LHX1: variants seen among roughly 807,000 people sequenced by gnomAD.
The protein encoded by LHX1 is LIM/homeobox protein Lhx1.
Under a neutral mutation model 34.1 loss-of-function variants are expected in LHX1, and 9 were observed. That is an observed-to-expected ratio of 0.26 (90% CI 0.16 to 0.46). The LOEUF (loss-of-function observed/expected upper bound fraction) is 0.46. Among genes scored for constraint, LHX1 ranks in the 20% least tolerant of loss-of-function variants. The probability of loss-of-function intolerance (pLI) is 1.00; values close to 1 mark genes in which losing one functional copy is unlikely to be tolerated. For synonymous variants in LHX1, 254 were observed against 241.5 expected, an observed-to-expected ratio of 1.05 and a Z score of -0.48; for missense variants, 446 against 559.1, an observed-to-expected ratio of 0.80 and a Z score of 2.04.
chr17:36,939,440 C>T, intron 1 of LHX1, among the ~76,000 whole-genome samples: 1 of 152,206 alleles, frequency 6.6e-6, no homozygotes, highest in Non-Finnish European at 1.5e-5. Context: ...AGTGCCGCTC[C>T]AGGACTCGTG....
At chr17:36,941,058 C>T (rs903121839) in intron 3 of LHX1, 171 bp downstream of exon 3, 2 of 1,024,986 alleles carry the variant, frequency 2.0e-6, no homozygotes, top group Non-Finnish European at 2.9e-6. Context: ...CTGATGCCTT[C>T]GAGCATCTAG....
At chr17:36,938,492 G>A (rs2070744034) in intron 1 of LHX1, 125 bp downstream of exon 1, 1 of 980,460 alleles carries the variant, frequency 1.0e-6, no homozygotes, top group South Asian at 1.5e-5. Context: ...GGGCAGCCAA[G>A]TCCCGCGGGC....
At position 36,942,907 on chromosome 17, in the gene LHX1, G is replaced by A; in HGVS notation, c.997G>A (p.Gly333Ser). 6.3e-7 allele frequency: 1 copy of A among 1,599,152 alleles called. No homozygotes were observed. The highest frequency in any genetic ancestry group is 8.5e-7 in the Non-Finnish European group (1 of 1,172,948). Residue 333 changes from glycine to serine, a missense_variant, in exon 5 of 5, where the codon GGC (glycine) becomes AGC (serine). Gly to Ser is a moderately conservative substitution (Grantham distance 56). Around this residue, in one of 3 missense-constraint regions of LHX1, gnomAD observed 235 missense variants for 224.4 expected, o/e 1.05. Transcript: ENST00000614239. Reference protein sequence around the residue: ...PLGGLEHPLPGHHPSSEAQRF... With the variant: ...PLGGLEHPLPSHHPSSEAQRF... ...GGGTGGCCTGGAGCACCCGCTGCCG[G>A]GCCACCACCCGTCGAGCGAGGCGCA...
rs115972448 is a variant in LHX1, at chr17:36,938,010, G to A, written c.-188G>A. The stretch of plus-strand genomic sequence containing the variant: ...ACACTTCACTGAGACGCCCCCCCAG[G>A]CCCCGATCAGCCTCGTTTCCTCCAC... On this transcript the variant is annotated 5_prime_UTR_variant, in exon 1 of 5. Coordinates refer to ENST00000614239, the MANE Select transcript of LHX1 (RefSeq NM_005568.5). The A allele has an allele frequency of 1.4e-3, 894 of 632,360 alleles. 9 individuals carry two copies. The African/African-American group carries it at 0.015, about 10-fold the overall frequency. The allele number at this position is 632,360 out of a possible 1,614,324, so 39.2% of individuals were successfully genotyped here. A position where few individuals can be genotyped will look rare whatever the true frequency, so the allele number is the denominator to read the frequency against.
rs540008121 is a variant in LHX1, at chr17:36,944,252, C to A, written c.*1121C>A. 3 of 140,822 alleles carry A rather than the reference C, an allele frequency of 2.1e-5. No homozygotes were observed. The highest frequency in any genetic ancestry group is 4.5e-5 in the Non-Finnish European group (3 of 66,720). The allele number at this position is 140,822 out of a possible 1,614,324, so 8.7% of individuals were successfully genotyped here. A position where few individuals can be genotyped will look rare whatever the true frequency, so the allele number is the denominator to read the frequency against. Reference sequence around the variant, plus strand: ...TGTAAAGGTGCCTGGCACCAGCAACCTGAGAAAGTGTTAAAAAAAAAAAAA... The same window carrying A: ...TGTAAAGGTGCCTGGCACCAGCAACATGAGAAAGTGTTAAAAAAAAAAAAA... On this transcript the variant is annotated 3_prime_UTR_variant, in exon 5 of 5. Transcript: ENST00000614239.
chr17:36,942,432 C>G, intron 4 of LHX1, 67 bp downstream of exon 4: 12 of 1,478,096 alleles, frequency 8.1e-6, no homozygotes, highest in Non-Finnish European at 1.0e-5. Flanking sequence ...CGGGTGGCAG[C>G]GCGGGGGGGC....
Position 36,940,438 on chromosome 17 carries a change from A to G in LHX1, c.319A>G (p.Ile107Val), listed in dbSNP as rs2070757218. 6.2e-7 allele frequency: 1 copy of G among 1,614,010 alleles called. No homozygotes were observed. Among genetic ancestry groups the G allele is most frequent in the South Asian group, 1.1e-5 (1 of 91,092 alleles). The change falls in exon 2 of 5, where the codon ATC becomes GTC. Residue 107 changes from isoleucine to valine, a missense_variant. Ile to Val is a conservative substitution (Grantham distance 29). Around this residue, in one of 3 missense-constraint regions of LHX1, gnomAD observed 168 missense variants for 226.6 expected, o/e 0.74. Coordinates refer to ENST00000614239, the MANE Select transcript of LHX1 (RefSeq NM_005568.5). ...QLSTGEELYI[I>V]DENKFVCKED... ...CTCCACTGGCGAGGAACTCTACATC[A>G]TCGACGAGAATAAGTTCGTCTGCAA...
Position 36,943,187 on chromosome 17 carries a change from A to C in LHX1, c.*56A>C, listed in dbSNP as rs1211656855. 2.4e-5 allele frequency: 36 copies of C among 1,477,676 alleles called. No homozygotes were observed. The Admixed American group carries it at 2.6e-4, about 11-fold the overall frequency. 91.5% of individuals were successfully genotyped at this position (1,477,676 alleles called of 1,614,324 possible). The stretch of plus-strand genomic sequence containing the variant: ...GTTGTACAGAAATGAACCTTTATTT[A>C]AGAAAAATAGAAAAAAAAAAACATA... On this transcript the variant is annotated 3_prime_UTR_variant, in exon 5 of 5. Coordinates refer to ENST00000614239, the MANE Select transcript of LHX1 (RefSeq NM_005568.5).
intron 4 of LHX1, 69 bp downstream of exon 4, chr17:36,942,434 C>A: frequency 6.9e-7 from 1 of 1,457,088 alleles, no homozygotes; most frequent in Non-Finnish European, 9.4e-7. Context: ...GGTGGCAGCG[C>A]GGGGGGGCAC....
At chr17:36,936,895 G>T, upstream of LHX1, 1 of 215,768 alleles carries the variant, frequency 4.6e-6, no homozygotes. Context: ...GGCCAGCAAC[G>T]AGCCGCGGCC....
intron 3 of LHX1, chr17:36,941,105 C>T: frequency 1.3e-6 from 1 of 784,968 alleles, no homozygotes; most frequent in Non-Finnish European, 2.2e-6. Context: ...GTGATCGTGG[C>T]AGTGGAGGGG....
chr17:36,936,969 G>T (rs1214905354), upstream of LHX1: 5 of 253,588 alleles, frequency 2.0e-5, no homozygotes, highest in Non-Finnish European at 7.9e-6. Context: ...TAGCCGCTGC[G>T]CCAGGACATT....
intron 3 of LHX1, 65 bp downstream of exon 3, chr17:36,940,952 G>A: frequency 6.5e-7 from 1 of 1,536,842 alleles, no homozygotes; most frequent in Non-Finnish European, 8.7e-7. Context: ...CACCCAGGCC[G>A]AGCCAGGAGA....
Position 36,943,020 on chromosome 17 carries a change from C to G in LHX1, c.1110C>G (p.Ala370=), listed in dbSNP as rs760787749. Residue 370 remains alanine (A), a synonymous_variant, in exon 5 of 5, where the codon GCC becomes GCG. Coordinates refer to ENST00000614239, the MANE Select transcript of LHX1 (RefSeq NM_005568.5). ...CCGGGCCTCTGCACTCCATGTCGGCCGAGGTCTTCGGACCCAGCCCGCCCT... is the reference window on the plus strand; with the variant it reads ...CCGGGCCTCTGCACTCCATGTCGGCGGAGGTCTTCGGACCCAGCCCGCCCT... ...SLPGPLHSMS[A]EVFGPSPPFS... The G allele has an allele frequency of 3.1e-6, 5 of 1,609,788 alleles. No individual in the cohort carries two copies. The Admixed American group carries it at 8.4e-5, about 27-fold the overall frequency.
Position 36,938,299 on chromosome 17 carries a change from TA to T in LHX1, c.105del (p.Lys35AsnfsTer4). ...HVKCVQCCEC[K>X]CNLTEKCFSR... ...TCAAGTGCGTCCAGTGCTGTGAATG[TA>T]AATGCAACCTGACCGAGAAGTGCTT... On this transcript the variant is annotated frameshift_variant, in exon 1 of 5. Coordinates refer to ENST00000614239, the MANE Select transcript of LHX1 (RefSeq NM_005568.5). LOFTEE classifies it high-confidence loss of function. 6.2e-7 allele frequency: 1 copy of T among 1,614,202 alleles called. No homozygotes were observed. Among genetic ancestry groups the T allele is most frequent in the Non-Finnish European group, 8.5e-7 (1 of 1,180,020 alleles).
intron 4 of LHX1, 58 bp from the exon 5 acceptor site, chr17:36,942,694 G>A (rs2070773652): frequency 2.8e-6 from 4 of 1,432,176 alleles, no homozygotes; most frequent in Non-Finnish European, 3.7e-6. Flanking sequence ...CCTCCCTTTC[G>A]GTCCCGCCGG....
rs2070789138 is a variant in LHX1 at position 36,944,328 on chromosome 17, C to G, written c.*1197C>G. On this transcript the variant is annotated 3_prime_UTR_variant, in exon 5 of 5. Transcript: ENST00000614239. ...AAACATCTTTGCTAATTTTTTTGTC[C>G]TGTTGAACATTCATGGAATTGTTAA... The G allele has an allele frequency of 6.7e-6, 1 of 149,676 alleles. No individual in the cohort carries two copies. Among genetic ancestry groups the G allele is most frequent in the Admixed American group, 6.6e-5 (1 of 15,052 alleles). The allele number at this position is 149,676 out of a possible 1,614,324, so 9.3% of individuals were successfully genotyped here.
At position 36,944,281 on chromosome 17, in the gene LHX1, A is replaced by AAAAAC. The variant is rs2070788580; in HGVS notation, c.*1151_*1152insAAACA. ...GAAAGTGTTAAAAAAAAAAAAAAAA[A>AAAAAC]AGTGTTACAAGATTTAAAAAAAAAC... On this transcript the variant is annotated 3_prime_UTR_variant, in exon 5 of 5. Coordinates refer to ENST00000614239, the MANE Select transcript of LHX1 (RefSeq NM_005568.5). 6.6e-6 allele frequency: 1 copy of AAAAAC among 151,062 alleles called. No homozygotes were observed. Among genetic ancestry groups the AAAAAC allele is most frequent in the South Asian group, 2.1e-4 (1 of 4,818 alleles). 9.4% of individuals were successfully genotyped at this position (151,062 alleles called of 1,614,324 possible).
chr17:36,938,777 G>A (rs2070746120), intron 1 of LHX1: 5 of 353,114 alleles, frequency 1.4e-5, no homozygotes, highest in South Asian at 9.6e-5. Flanking sequence ...CTCCCTCCCG[G>A]CCACTACCTT....
Sources: gnomAD v4.1 joint callset for allele counts (sites outside exome capture counted in the v4.1 genomes callset) on GRCh38, gnomAD v4.1.1 for gene constraint, gnomAD v4.1.1 regional missense constraint, MANE v1.5 for transcripts, NCBI Gene and HGNC (gene_info 2026-07-23, HGNC 2026-07-21) for gene names.